Variants in PRKG1 observed in about 807,000 individuals in gnomAD.
The protein encoded by PRKG1 is protein kinase cGMP-dependent 1.
A neutral mutation model predicts 88.1 loss-of-function variants in PRKG1; 35 were observed. The ratio of observed to expected loss-of-function variants is 0.40; its 90% CI spans 0.30 to 0.53. The LOEUF is 0.53. Ranked by LOEUF, PRKG1 falls within the 20% of genes least tolerant of loss-of-function variation. The pLI, the probability that PRKG1 is intolerant of heterozygous loss-of-function variation, is 0.59. For missense variants in PRKG1, 540 were observed against 839.8 expected, an observed-to-expected ratio of 0.64 and a Z score of 4.41; for synonymous variants, 303 against 292.5, an observed-to-expected ratio of 1.04 and a Z score of -0.37.
At chr10:51,147,078 GT>G (rs1224864054) in intron 1 of PRKG1, among the ~76,000 whole-genome samples, 1 of 152,116 alleles carries the variant, frequency 6.6e-6, no homozygotes, top group African/African-American at 2.4e-5. Flanking sequence ...TCACTAATAT[GT>G]AGATTGAATG....
At chr10:51,033,459 G>A (rs1205501093) in intron 1 of PRKG1, among the ~76,000 whole-genome samples, 1 of 152,074 alleles carries the variant, frequency 6.6e-6, no homozygotes, top group Non-Finnish European at 1.5e-5. Flanking sequence ...CTCACTATAG[G>A]ACATGTACCC....
chr10:51,275,437 A>G (rs1840089006), intron 2 of PRKG1, among the ~76,000 whole-genome samples: 1 of 152,198 alleles, frequency 6.6e-6, no homozygotes, highest in African/African-American at 2.4e-5. Flanking sequence ...TCTTTGGAAA[A>G]TGTCTTTGCA....
chr10:51,915,686 A>C (rs892087751), intron 5 of PRKG1, among the ~76,000 whole-genome samples: 1 of 152,168 alleles, frequency 6.6e-6, no homozygotes, highest in African/African-American at 2.4e-5. Context: ...AATGGGAGAA[A>C]ATATTTGCTA....
intron 3 of PRKG1, among the ~76,000 whole-genome samples, chr10:51,721,159 GC>G (rs35435029): frequency 0.45 from 66,757 of 147,942 alleles, 15,445 homozygotes; most frequent in Middle Eastern, 0.59. Context: ...GCTGCAGTGA[GC>G]CCATGATTAT....
intron 3 of PRKG1, among the ~76,000 whole-genome samples, chr10:51,681,322 CAAT>C: frequency 6.6e-6 from 1 of 152,078 alleles, no homozygotes; most frequent in South Asian, 2.1e-4. Flanking sequence ...AAATTTAAAT[CAAT>C]GATGTAGTGG....
At chr10:52,034,762 G>A (rs1845561066) in intron 5 of PRKG1, among the ~76,000 whole-genome samples, 1 of 152,050 alleles carries the variant, frequency 6.6e-6, no homozygotes, top group African/African-American at 2.4e-5. Flanking sequence ...CTAGACAGAA[G>A]ATAGTAGGGA....
At chr10:51,976,520 A>T (rs1310140754) in intron 5 of PRKG1, among the ~76,000 whole-genome samples, 2 of 152,032 alleles carry the variant, frequency 1.3e-5, no homozygotes, top group Non-Finnish European at 2.9e-5. Context: ...ATACTACATG[A>T]TTCTATTTAT....
At chr10:51,670,759 A>G (rs1840551537) in intron 3 of PRKG1, among the ~76,000 whole-genome samples, 1 of 121,246 alleles carries the variant, frequency 8.2e-6, no homozygotes. Flanking sequence ...TAAATAAATA[A>G]ATAAATAAAT....
rs114261612 is a variant in PRKG1, at chr10:51,726,578, A to G, written c.593-78007A>G. On this transcript the variant is annotated intron_variant, in intron 3 of 17. Coordinates refer to ENST00000373980, the MANE Select transcript of PRKG1 (RefSeq NM_006258.4). ...CACGATATTTCAGATGATCACAGTT[A>G]TAAAGCCGGGTGCACACAATTGCCA... 2.8e-3 allele frequency among the ~76,000 whole-genome samples: 423 copies of G among 152,330 alleles called. 3 individuals carry two copies. Among genetic ancestry groups the G allele is most frequent in the African/African-American group, 9.4e-3 (391 of 41,578 alleles).
chr10:52,224,494 G>A (rs917325205), intron 9 of PRKG1, among the ~76,000 whole-genome samples: 1 of 150,756 alleles, frequency 6.6e-6, no homozygotes, highest in African/African-American at 2.4e-5. Flanking sequence ...GTGGTATTTG[G>A]TTACATAAGT....
intron 2 of PRKG1, among the ~76,000 whole-genome samples, chr10:51,226,063 G>T (rs191243929): frequency 2.0e-4 from 30 of 152,196 alleles, no homozygotes; most frequent in African/African-American, 6.3e-4. Context: ...AGTTAGCCAG[G>T]TGTGGTGGCA....
At chr10:51,939,239 T>C (rs568387651) in intron 5 of PRKG1, among the ~76,000 whole-genome samples, 108 of 152,176 alleles carry the variant, frequency 7.1e-4, no homozygotes, top group African/African-American at 2.5e-3. Context: ...TTATTTAATG[T>C]AATATTGCTA....
intron 2 of PRKG1, among the ~76,000 whole-genome samples, chr10:51,441,949 C>T (rs923953576): frequency 1.3e-5 from 2 of 151,850 alleles, no homozygotes; most frequent in Admixed American, 6.6e-5. Context: ...TGTCCCTTTA[C>T]TGAATTCATA....
chr10:52,274,496 CAT>C (rs374054777), intron 12 of PRKG1, among the ~76,000 whole-genome samples: 39 of 147,690 alleles, frequency 2.6e-4, no homozygotes, highest in African/African-American at 7.2e-4. Flanking sequence ...CATATATATA[CAT>C]ATATATATAT....
At chr10:52,214,944 C>T (rs1207972616) in intron 9 of PRKG1, among the ~76,000 whole-genome samples, 5 of 150,234 alleles carry the variant, frequency 3.3e-5, no homozygotes, top group African/African-American at 9.8e-5. Context: ...AATATTGTCA[C>T]GGTTATTTAT....
At position 51,373,501 on chromosome 10, in the gene PRKG1, G is replaced by C. The variant is rs563207814; in HGVS notation, c.479-94222G>C. Among the ~76,000 whole-genome samples, 10 of 152,156 alleles carry C rather than the reference G, an allele frequency of 6.6e-5. No individual in the cohort carries two copies. In the East Asian group the frequency reaches 1.9e-3, roughly 29 times the overall value. Reference sequence around the variant, plus strand: ...GTGCAGGTTTGTTACATAGATAAACGTGTGCCATGGTGGTTTGCTGCACCA... The same window carrying C: ...GTGCAGGTTTGTTACATAGATAAACCTGTGCCATGGTGGTTTGCTGCACCA... On this transcript the variant is annotated intron_variant, in intron 2 of 17. Coordinates refer to ENST00000373980, the MANE Select transcript of PRKG1 (RefSeq NM_006258.4).
chr10:51,027,038 A>G (rs184547516), intron 1 of PRKG1, among the ~76,000 whole-genome samples: 2 of 152,092 alleles, frequency 1.3e-5, no homozygotes, highest in East Asian at 1.9e-4. Context: ...GACTTACTAC[A>G]TAAGTTTTGG....
intron 4 of PRKG1, among the ~76,000 whole-genome samples, chr10:51,823,356 A>G (rs778358071): frequency 7.2e-5 from 11 of 152,140 alleles, no homozygotes; most frequent in Non-Finnish European, 1.5e-4. Flanking sequence ...AATTATATCC[A>G]TTGCTTCTGT....
chr10:51,198,983 G>A (rs576614411), intron 2 of PRKG1, among the ~76,000 whole-genome samples: 2 of 152,272 alleles, frequency 1.3e-5, no homozygotes, highest in Admixed American at 6.5e-5. Flanking sequence ...AGGAGGTAAG[G>A]TATAGCTTCA....
Sources: allele counts gnomAD v4.1 joint callset (sites outside exome capture counted in the v4.1 genomes callset), GRCh38; gene constraint gnomAD v4.1.1; transcripts MANE v1.5; gene names NCBI Gene and HGNC (gene_info 2026-07-23, HGNC 2026-07-21).